Variants in TMEM132C observed in about 807,000 individuals in gnomAD.
TMEM132C encodes transmembrane protein 132C.
A neutral mutation model predicts 61.4 loss-of-function variants in TMEM132C; 29 were observed. The ratio of observed to expected loss-of-function variants is 0.47; its 90% CI spans 0.35 to 0.64. The LOEUF is 0.64. Among genes scored for constraint, TMEM132C ranks in the 30% least tolerant of loss-of-function variants. TMEM132C has a pLI of 0.00. For missense variants in TMEM132C, 1,408 were observed against 1,476.9 expected (o/e 0.95, Z 0.76); for synonymous variants, 656 against 633.1 (o/e 1.04, Z -0.54).
At chr12:128,355,594 T>G (rs370717346) in intron 1 of TMEM132C, among the ~76,000 whole-genome samples, 2 of 151,992 alleles carry the variant, frequency 1.3e-5, no homozygotes, top group African/African-American at 4.8e-5. Context: ...TTATTCAGAT[T>G]AAAAGCCCAA....
chr12:128,553,137 T>C (rs919302639), intron 3 of TMEM132C, among the ~76,000 whole-genome samples: 13 of 152,174 alleles, frequency 8.5e-5, no homozygotes, highest in Non-Finnish European at 1.6e-4. Context: ...ACACTAGCGA[T>C]AGCTGATGAG....
chr12:128,535,714 A>C (rs957558998), intron 2 of TMEM132C, among the ~76,000 whole-genome samples: 7 of 152,152 alleles, frequency 4.6e-5, no homozygotes, highest in Non-Finnish European at 1.0e-4. Context: ...TAAACGTACA[A>C]AAAATTAATC....
At chr12:128,393,369 A>G (rs756420334) in intron 1 of TMEM132C, among the ~76,000 whole-genome samples, 1 of 152,144 alleles carries the variant, frequency 6.6e-6, no homozygotes, top group African/African-American at 2.4e-5. Context: ...TACTCTATAA[A>G]ATAGACTCTC....
At chr12:128,268,232 C>T (rs535733879) in intron 1 of TMEM132C, among the ~76,000 whole-genome samples, 1 of 152,326 alleles carries the variant, frequency 6.6e-6, no homozygotes, top group Non-Finnish European at 1.5e-5. Context: ...GGAGTGACGG[C>T]CCTGCTTTGG....
chr12:128,652,958 CA>C (rs1301474606), intron 4 of TMEM132C, among the ~76,000 whole-genome samples: 1 of 152,202 alleles, frequency 6.6e-6, no homozygotes, highest in African/African-American at 2.4e-5. Context: ...CCTACATCTA[CA>C]CAAAGACTTG....
intron 3 of TMEM132C, among the ~76,000 whole-genome samples, chr12:128,610,191 A>C (rs965482585): frequency 6.6e-6 from 1 of 152,222 alleles, no homozygotes; most frequent in Admixed American, 6.5e-5. Context: ...AAATAAAGCC[A>C]AGCCTGGATC....
chr12:128,418,615 C>A lies in TMEM132C; in HGVS notation c.974+2995C>A, dbSNP rs144257049. Among the ~76,000 whole-genome samples the A allele has an allele frequency of 1.9e-3, 292 of 152,354 alleles. 1 individual carries two copies. Among genetic ancestry groups the A allele is most frequent in the African/African-American group, 6.7e-3 (279 of 41,582 alleles). Reference sequence around the variant, plus strand: ...AAATAGTACAGTGATTGCTCGTAGACCCCTCCCCCAGCTTCCGCTGGTGGT... The same window carrying A: ...AAATAGTACAGTGATTGCTCGTAGAACCCTCCCCCAGCTTCCGCTGGTGGT... On this transcript the variant is annotated intron_variant, in intron 2 of 8. Coordinates refer to ENST00000435159, the MANE Select transcript of TMEM132C (RefSeq NM_001136103.3).
intron 1 of TMEM132C, among the ~76,000 whole-genome samples, chr12:128,401,645 T>C (rs1484710636): frequency 6.6e-6 from 1 of 152,226 alleles, no homozygotes; most frequent in Non-Finnish European, 1.5e-5. Context: ...CTGGAACACA[T>C]ACAGTATGTG....
At chr12:128,307,481 A>G (rs1871822831) in intron 1 of TMEM132C, among the ~76,000 whole-genome samples, 1 of 152,142 alleles carries the variant, frequency 6.6e-6, no homozygotes, top group African/African-American at 2.4e-5. Flanking sequence ...GTATTTTAAT[A>G]TGCATTATTA....
At chr12:128,323,626 C>A (rs1389190316) in intron 1 of TMEM132C, among the ~76,000 whole-genome samples, 1 of 152,154 alleles carries the variant, frequency 6.6e-6, no homozygotes. Context: ...TCCCCAGGCT[C>A]CAGATAGAAT....
intron 2 of TMEM132C, among the ~76,000 whole-genome samples, chr12:128,489,049 C>T (rs1457219224): frequency 1.3e-5 from 2 of 152,098 alleles, no homozygotes; most frequent in Non-Finnish European, 2.9e-5. Context: ...TAGAGAGTCC[C>T]AGATCACATA....
intron 2 of TMEM132C, among the ~76,000 whole-genome samples, chr12:128,442,974 G>A (rs142804588): frequency 1.8e-4 from 28 of 152,084 alleles, no homozygotes; most frequent in Non-Finnish European, 1.2e-4. Context: ...ACTGCCTTGC[G>A]TATGATTAGG....
At chr12:128,652,633 C>A (rs1045730695) in intron 4 of TMEM132C, among the ~76,000 whole-genome samples, 1 of 152,258 alleles carries the variant, frequency 6.6e-6, no homozygotes, top group African/African-American at 2.4e-5. Flanking sequence ...GGGCCCAGGA[C>A]AGGAGGCCTG....
At chr12:128,329,439 G>A (rs1872614827) in intron 1 of TMEM132C, among the ~76,000 whole-genome samples, 1 of 152,186 alleles carries the variant, frequency 6.6e-6, no homozygotes, top group Non-Finnish European at 1.5e-5. Flanking sequence ...AAGGCGTGTG[G>A]TAAAGGTGGT....
chr12:128,625,467 A>C (rs1954005617), intron 4 of TMEM132C, among the ~76,000 whole-genome samples: 1 of 152,198 alleles, frequency 6.6e-6, no homozygotes, highest in Non-Finnish European at 1.5e-5. Flanking sequence ...GGGAAGAAAA[A>C]GAGGTTTAAT....
intron 1 of TMEM132C, among the ~76,000 whole-genome samples, chr12:128,360,278 A>ACC (rs1873660458): frequency 7.1e-6 from 1 of 140,194 alleles, no homozygotes; most frequent in African/African-American, 2.6e-5. Flanking sequence ...ACACACACAC[A>ACC]CACCCCAGGA....
intron 1 of TMEM132C, among the ~76,000 whole-genome samples, chr12:128,280,736 T>C (rs1472626222): frequency 1.3e-5 from 2 of 152,220 alleles, no homozygotes; most frequent in Non-Finnish European, 2.9e-5. Context: ...TTGTGGCTCT[T>C]GGAAGTTCCA....
intron 1 of TMEM132C, among the ~76,000 whole-genome samples, chr12:128,316,831 C>G (rs1489880303): frequency 6.6e-6 from 1 of 152,104 alleles, no homozygotes; most frequent in Non-Finnish European, 1.5e-5. Flanking sequence ...TTCCAAGATA[C>G]ACTCCTTTCC....
chr12:128,297,754 A>G lies in TMEM132C; in HGVS notation c.85+30267A>G, dbSNP rs1220531875. The stretch of plus-strand genomic sequence containing the variant: ...TCCTTCTGACACCCACATGATTTTA[A>G]GCAAAAACTCTATAATTTTTCAAAA... On this transcript the variant is annotated intron_variant, in intron 1 of 8. Coordinates refer to ENST00000435159, the MANE Select transcript of TMEM132C (RefSeq NM_001136103.3). 3.3e-5 allele frequency among the ~76,000 whole-genome samples: 5 copies of G among 152,242 alleles called. No individual in the cohort carries two copies. In the East Asian group the frequency reaches 7.7e-4, roughly 24 times the overall value.
Sources: allele counts gnomAD v4.1 joint callset (sites outside exome capture counted in the v4.1 genomes callset), GRCh38; gene constraint gnomAD v4.1.1; transcripts MANE v1.5; gene names NCBI Gene and HGNC (gene_info 2026-07-23, HGNC 2026-07-21).